Variants in PREX2 observed in about 807,000 individuals in gnomAD.
PREX2 encodes the protein phosphatidylinositol-3,4,5-trisphosphate dependent Rac exchange factor 2, also known as phosphatidylinositol 3,4,5-trisphosphate-dependent Rac exchanger 2 protein.
PREX2 carries 107 observed loss-of-function variants against 203.2 expected under a neutral mutation model. That is an observed-to-expected ratio of 0.53 (90% CI 0.45 to 0.62). The LOEUF (loss-of-function observed/expected upper bound fraction) is 0.62. Among genes scored for constraint, PREX2 ranks in the 20% least tolerant of loss-of-function variants. The probability of loss-of-function intolerance (pLI) is 0.00; values close to 1 mark genes in which losing one functional copy is unlikely to be tolerated. For synonymous variants in PREX2, 672 were observed against 663.6 expected (o/e 1.01, Z -0.19); for missense variants, 1,777 against 1,955.9 (o/e 0.91, Z 1.72).
intron 1 of PREX2, among the ~76,000 whole-genome samples, chr8:67,987,912 A>AGTATGT (rs139568645): frequency 0.02 from 2,973 of 150,890 alleles, 42 homozygotes; most frequent in African/African-American, 0.036. Context: ...GCAGCCAGGG[A>AGTATGT]GTGTGTGTGT....
chr8:68,061,977 T>TA (rs1350029125), intron 11 of PREX2, among the ~76,000 whole-genome samples: 7 of 152,308 alleles, frequency 4.6e-5, no homozygotes, highest in African/African-American at 1.7e-4. Context: ...TATTAATAAA[T>TA]ATGGATGTTT....
rs555833867 is a variant in PREX2 at position 68,000,609 on chromosome 8, C to T, written c.142-17237C>T. On this transcript the variant is annotated intron_variant, in intron 1 of 39. Coordinates refer to ENST00000288368, the MANE Select transcript of PREX2 (RefSeq NM_024870.4). ...CTAGAAAAAATGATTTTAAAATTTA[C>T]GTGGAACCAAAAAACAAGCTTGAAT... 8.5e-5 allele frequency among the ~76,000 whole-genome samples: 13 copies of T among 152,174 alleles called. No individual in the cohort carries two copies. In the South Asian group the frequency reaches 2.1e-3, roughly 24 times the overall value.
intron 33 of PREX2, among the ~76,000 whole-genome samples, chr8:68,143,663 C>G (rs1014461061): frequency 6.6e-6 from 1 of 152,074 alleles, no homozygotes; most frequent in Non-Finnish European, 1.5e-5. Context: ...ATTCTTTTGA[C>G]AATGTCTTTT....
At chr8:68,080,371 A>G (rs1809476531) in intron 15 of PREX2, 72 bp from the exon 16 acceptor site, 1 of 1,365,946 alleles carries the variant, frequency 7.3e-7, no homozygotes. Context: ...TAATTTGTAA[A>G]TGTCACTGCT....
At chr8:68,049,581 T>C (rs1353241698) in intron 8 of PREX2, among the ~76,000 whole-genome samples, 1 of 152,096 alleles carries the variant, frequency 6.6e-6, no homozygotes, top group East Asian at 1.9e-4. Flanking sequence ...CTTGTTCAGG[T>C]CTGTCCCTTG....
chr8:67,988,972 C>T (rs1806517917), intron 1 of PREX2, among the ~76,000 whole-genome samples: 1 of 152,072 alleles, frequency 6.6e-6, no homozygotes, highest in African/African-American at 2.4e-5. Context: ...AAAAGCAAAC[C>T]AAGCACGTGT....
At position 68,118,687 on chromosome 8, in the gene PREX2, C is replaced by T. The variant is rs933918604; in HGVS notation, c.3421+43C>T. On this transcript the variant is annotated intron_variant, in intron 27 of 39. Coordinates refer to ENST00000288368, the MANE Select transcript of PREX2 (RefSeq NM_024870.4). ...GGCCTGTGGGCTTTTTGATATTAGT[C>T]CTATAGGAGATAACTTTAAGGTTTT... 8 of 1,313,190 alleles carry T rather than the reference C, an allele frequency of 6.1e-6. No homozygotes were observed. In the African/African-American group the frequency reaches 1.0e-4, roughly 17 times the overall value. 81.3% of individuals were successfully genotyped at this position (1,313,190 alleles called of 1,614,324 possible).
At chr8:67,962,017 G>A (rs1436652686) in intron 1 of PREX2, among the ~76,000 whole-genome samples, 4 of 152,158 alleles carry the variant, frequency 2.6e-5, no homozygotes, top group African/African-American at 9.7e-5. Flanking sequence ...TGGTCTTACA[G>A]TGAAAATATC....
At position 68,226,891 on chromosome 8, in the gene PREX2, T is replaced by C. The variant is rs546126836; in HGVS notation, c.4775+2265T>C. On this transcript the variant is annotated intron_variant, in intron 39 of 39. Transcript: ENST00000288368. Reference sequence around the variant, plus strand: ...ACTCCTGGGCCTGTCAGCATTGTAATGCATGTCCCATACTGGGGATGCAAT... The same window carrying C: ...ACTCCTGGGCCTGTCAGCATTGTAACGCATGTCCCATACTGGGGATGCAAT... Among the ~76,000 whole-genome samples, 146 of 152,322 alleles carry C rather than the reference T, an allele frequency of 9.6e-4. 1 individual carries two copies. Among genetic ancestry groups the C allele is most frequent in the African/African-American group, 3.3e-3 (136 of 41,578 alleles).
intron 33 of PREX2, among the ~76,000 whole-genome samples, 196 bp from the exon 34 acceptor site, chr8:68,146,013 C>T (rs1811319101): frequency 6.6e-6 from 1 of 151,886 alleles, no homozygotes; most frequent in Non-Finnish European, 1.5e-5. Context: ...GTAACACATC[C>T]ATTGCTTTAA....
At chr8:67,968,433 G>A (rs955946136) in intron 1 of PREX2, among the ~76,000 whole-genome samples, 3 of 152,004 alleles carry the variant, frequency 2.0e-5, no homozygotes, top group Non-Finnish European at 4.4e-5. Context: ...CACTGAATTC[G>A]CAGCACAAAG....
chr8:68,017,948 G>T lies in PREX2; in HGVS notation c.213+31G>T, dbSNP rs750439779. The stretch of plus-strand genomic sequence containing the variant: ...GAGGTACAACTGGCCTTCAACCTGA[G>T]CATGAGTTTCCTATAGATAAATTTT... On this transcript the variant is annotated intron_variant, in intron 2 of 39. Transcript: ENST00000288368. 4.5e-6 allele frequency: 7 copies of T among 1,569,018 alleles called. No individual in the cohort carries two copies. In the East Asian group the frequency reaches 1.4e-4, roughly 31 times the overall value.
At chr8:68,131,896 A>G (rs1811017990) in intron 31 of PREX2, among the ~76,000 whole-genome samples, 1 of 152,140 alleles carries the variant, frequency 6.6e-6, no homozygotes, top group South Asian at 2.1e-4. Flanking sequence ...TATGGGTGGG[A>G]GTATTTCTGC....
intron 19 of PREX2, among the ~76,000 whole-genome samples, chr8:68,088,866 T>C (rs1432204309): frequency 6.6e-6 from 1 of 152,222 alleles, no homozygotes. Context: ...AATCAAGCTG[T>C]ACCTCTTCCC....
chr8:68,202,903 G>C (rs1198211258), intron 37 of PREX2, among the ~76,000 whole-genome samples: 5 of 152,186 alleles, frequency 3.3e-5, no homozygotes, highest in Non-Finnish European at 7.3e-5. Flanking sequence ...AGCCAATGCT[G>C]TGAAACTCCT....
intron 1 of PREX2, among the ~76,000 whole-genome samples, chr8:68,001,976 A>C (rs535173709): frequency 6.6e-6 from 1 of 152,102 alleles, no homozygotes; most frequent in African/African-American, 2.4e-5. Flanking sequence ...AGGGGCAGAA[A>C]AAATACTAGG....
rs1255215690 is a variant in PREX2 at position 68,235,212 on chromosome 8, A to G, written c.*3834A>G. On this transcript the variant is annotated 3_prime_UTR_variant, in exon 40 of 40. Coordinates refer to ENST00000288368, the MANE Select transcript of PREX2 (RefSeq NM_024870.4). The stretch of plus-strand genomic sequence containing the variant: ...TATTCACTTATACTTCTGAAAAGCC[A>G]TAATATTGAAATTTAAAATGAATAG... The G allele has an allele frequency of 6.6e-6, 1 of 152,142 alleles. No homozygotes were observed. Among genetic ancestry groups the G allele is most frequent in the Non-Finnish European group, 1.5e-5 (1 of 68,006 alleles). 9.4% of individuals were successfully genotyped at this position (152,142 alleles called of 1,614,324 possible). A position where few individuals can be genotyped will look rare whatever the true frequency, so the allele number is the denominator to read the frequency against.
chr8:68,228,763 CTCTAAATAAATA>C (rs1252706517), intron 39 of PREX2, among the ~76,000 whole-genome samples: 1 of 124,898 alleles, frequency 8.0e-6, no homozygotes, highest in Non-Finnish European at 1.6e-5. Context: ...GAGACTCCGT[CTCTAAATAAATA>C]AATAAATAAA....
intron 7 of PREX2, among the ~76,000 whole-genome samples, chr8:68,038,519 T>A (rs1307532337): frequency 6.6e-6 from 1 of 152,174 alleles, no homozygotes; most frequent in Non-Finnish European, 1.5e-5. Context: ...CATCTGATGA[T>A]GCTGGGTCCT....
Sources: gnomAD v4.1 joint callset for allele counts (sites outside exome capture counted in the v4.1 genomes callset) on GRCh38, gnomAD v4.1.1 for gene constraint, MANE v1.5 for transcripts, NCBI Gene and HGNC (gene_info 2026-07-23, HGNC 2026-07-21) for gene names.